The following CDH9 variants were observed in gnomAD, a reference collection of about 807,000 sequenced individuals.
The protein encoded by CDH9 is cadherin-9.
In CDH9, 28 loss-of-function variants were observed where a neutral mutation model predicts 70.9. That is an observed-to-expected ratio of 0.40 (90% confidence interval 0.29 to 0.54). The LOEUF (loss-of-function observed/expected upper bound fraction) is 0.54, where lower values mean the gene tolerates loss of function less well. Ranked by LOEUF, CDH9 falls within the 20% of genes least tolerant of loss-of-function variation. CDH9 has a pLI of 0.59. For missense variants in CDH9, 874 were observed against 984.4 expected (o/e 0.89, Z 1.50); for synonymous variants, 409 against 343.1 (o/e 1.19, Z -2.12).
intron 2 of CDH9, among the ~76,000 whole-genome samples, chr5:26,983,045 A>G (rs1053478894): frequency 2.0e-5 from 3 of 152,136 alleles, no homozygotes; most frequent in Admixed American, 6.6e-5. Context: ...GCTAGGGAAA[A>G]TGAAATGGGT....
rs112636662 is a variant in CDH9, at chr5:26,941,932, G to A, written c.229-26008C>T. The stretch of plus-strand genomic sequence containing the variant: ...GGAACTCTCTGCAGAGTGGCACAGG[G>A]CATCACATGGCAAGAGGGCTATGCA... On this transcript the variant is annotated intron_variant, in intron 2 of 11. Coordinates refer to ENST00000231021, the MANE Select transcript of CDH9 (RefSeq NM_016279.4). 4.1e-3 allele frequency among the ~76,000 whole-genome samples: 625 copies of A among 152,292 alleles called. 3 individuals carry two copies. The highest frequency in any genetic ancestry group is 7.1e-3 in the Non-Finnish European group (486 of 68,026).
At chr5:26,955,691 G>A (rs976957828) in intron 2 of CDH9, among the ~76,000 whole-genome samples, 4 of 151,966 alleles carry the variant, frequency 2.6e-5, no homozygotes, top group South Asian at 2.1e-4. Flanking sequence ...CACAGATTCC[G>A]GGATTTAGGA....
At chr5:26,898,911 C>T (rs1413518497) in intron 7 of CDH9, among the ~76,000 whole-genome samples, 3 of 152,110 alleles carry the variant, frequency 2.0e-5, no homozygotes, top group Non-Finnish European at 2.9e-5. Context: ...AAAATTTTTG[C>T]AATCTATCCA....
intron 1 of CDH9, among the ~76,000 whole-genome samples, chr5:27,035,487 AAAAC>A (rs1265826175): frequency 1.3e-5 from 2 of 151,766 alleles, no homozygotes; most frequent in Admixed American, 6.6e-5. Context: ...GCATCAGGTA[AAAAC>A]AAACAAGACT....
chr5:26,880,979 A>G lies in CDH9; in HGVS notation c.*157T>C, dbSNP rs1363388422. 3.4e-6 allele frequency: 2 copies of G among 593,982 alleles called. No homozygotes were observed. Among genetic ancestry groups the G allele is most frequent in the Non-Finnish European group, 5.8e-6 (2 of 347,350 alleles). 36.8% of individuals were successfully genotyped at this position (593,982 alleles called of 1,614,324 possible). A position where few individuals can be genotyped will look rare whatever the true frequency, so the allele number is the denominator to read the frequency against. ...CTGTATCATTCGTATTCATTCACAAAGACTTACTGATTAAGCAAATCCCTA... is the reference window on the plus strand; with the variant it reads ...CTGTATCATTCGTATTCATTCACAAGGACTTACTGATTAAGCAAATCCCTA... On this transcript the variant is annotated 3_prime_UTR_variant, in exon 12 of 12. Transcript: ENST00000231021.
chr5:26,965,197 C>A (rs1346134794), intron 2 of CDH9, among the ~76,000 whole-genome samples: 1 of 152,060 alleles, frequency 6.6e-6, no homozygotes, highest in Admixed American at 6.6e-5. Context: ...AAAATGAAAT[C>A]TTTTAAAATT....
chr5:26,973,398 G>A (rs983724378), intron 2 of CDH9, among the ~76,000 whole-genome samples: 2 of 151,642 alleles, frequency 1.3e-5, no homozygotes, highest in South Asian at 4.2e-4. Context: ...ATTTTCTTTT[G>A]TACATTAGCT....
chr5:26,885,466 T>A lies in CDH9; in HGVS notation c.1882+148A>T, dbSNP rs888792701. On this transcript the variant is annotated intron_variant, in intron 11 of 11. Coordinates refer to ENST00000231021, the MANE Select transcript of CDH9 (RefSeq NM_016279.4). ...TATCCCCACACACAAAAACGCTTAT[T>A]TTTTCCTAATTGAAAGAAGAATTTT... 1.2e-5 allele frequency: 9 copies of A among 736,816 alleles called. No homozygotes were observed. The African/African-American group carries it at 1.6e-4, about 13-fold the overall frequency. The allele number at this position is 736,816 out of a possible 1,614,324, so 45.6% of individuals were successfully genotyped here.
chr5:26,883,083 ATATATATATAT>A (rs1561181228), intron 11 of CDH9, among the ~76,000 whole-genome samples: 20 of 131,132 alleles, frequency 1.5e-4, no homozygotes, highest in African/African-American at 4.8e-4. Context: ...ATATATATAT[ATATATATATAT>A]AAAACTGCAG....
At chr5:26,960,510 T>C (rs1472816588) in intron 2 of CDH9, among the ~76,000 whole-genome samples, 1 of 151,974 alleles carries the variant, frequency 6.6e-6, no homozygotes, top group Non-Finnish European at 1.5e-5. Flanking sequence ...TATTCAGAGT[T>C]CAATTAGAAA....
intron 7 of CDH9, among the ~76,000 whole-genome samples, chr5:26,893,034 G>A (rs1434329575): frequency 6.6e-6 from 1 of 152,006 alleles, no homozygotes; most frequent in Admixed American, 6.6e-5. Flanking sequence ...CACCCTGCCA[G>A]TATTGGCAAT....
intron 1 of CDH9, among the ~76,000 whole-genome samples, chr5:27,032,987 T>A (rs1297948343): frequency 6.6e-6 from 1 of 151,236 alleles, no homozygotes; most frequent in Non-Finnish European, 1.5e-5. Flanking sequence ...ATATTTCTCA[T>A]CCACTGTAAA....
intron 1 of CDH9, among the ~76,000 whole-genome samples, chr5:27,033,734 A>G (rs1191297113): frequency 1.3e-5 from 2 of 151,654 alleles, no homozygotes; most frequent in Non-Finnish European, 3.0e-5. Context: ...ATTTCTAGAA[A>G]TTATGTAATA....
At chr5:27,025,344 A>AAAAGATGACTGG (rs1743203541) in intron 1 of CDH9, among the ~76,000 whole-genome samples, 1 of 152,130 alleles carries the variant, frequency 6.6e-6, no homozygotes, top group Non-Finnish European at 1.5e-5. Context: ...GAGATTCAAG[A>AAAAGATGACTGG]AAAGATGACT....
chr5:26,915,227 A>C (rs910852514), intron 3 of CDH9, among the ~76,000 whole-genome samples: 1 of 152,040 alleles, frequency 6.6e-6, no homozygotes, highest in East Asian at 1.9e-4. Flanking sequence ...GATCAAATGA[A>C]AAAACACTTC....
At chr5:27,026,948 G>A (rs953466204) in intron 1 of CDH9, among the ~76,000 whole-genome samples, 1 of 151,806 alleles carries the variant, frequency 6.6e-6, no homozygotes, top group Non-Finnish European at 1.5e-5. Flanking sequence ...GTCATTTTAA[G>A]GTCAAGAATG....
At chr5:27,005,153 G>C (rs574342618) in intron 1 of CDH9, among the ~76,000 whole-genome samples, 3 of 152,102 alleles carry the variant, frequency 2.0e-5, no homozygotes, top group African/African-American at 7.2e-5. Context: ...TTAATGGTGA[G>C]AGCAAAATAC....
chr5:27,000,981 A>G (rs1437737236), intron 1 of CDH9, among the ~76,000 whole-genome samples: 2 of 152,128 alleles, frequency 1.3e-5, no homozygotes, highest in East Asian at 3.8e-4. Flanking sequence ...GAACAGGTGA[A>G]GCAAAGGAGA....
intron 1 of CDH9, among the ~76,000 whole-genome samples, chr5:27,015,982 TACAG>T (rs531012256): frequency 1.4e-4 from 22 of 151,950 alleles, no homozygotes; most frequent in Admixed American, 1.3e-3. Context: ...AAGAGGATTG[TACAG>T]ACAAAGACAA....
Sources: gnomAD v4.1 joint callset for allele counts (sites outside exome capture counted in the v4.1 genomes callset) on GRCh38, gnomAD v4.1.1 for gene constraint, MANE v1.5 for transcripts, NCBI Gene and HGNC (gene_info 2026-07-23, HGNC 2026-07-21) for gene names.